Variants in FMO2 observed in about 807,000 individuals in gnomAD.
FMO2 encodes flavin containing dimethylaniline monoxygenase 2.
FMO2 carries 33 observed loss-of-function variants against 41.6 expected under a neutral mutation model. The observed-to-expected ratio is 0.79, with a 90% CI of 0.60 to 1.06. The LOEUF (loss-of-function observed/expected upper bound fraction) is 1.06, where lower values mean the gene tolerates loss of function less well. Ranked by LOEUF, FMO2 falls within the 50% of genes least tolerant of loss-of-function variation. The pLI, the probability that FMO2 is intolerant of heterozygous loss-of-function variation, is 0.00. For synonymous variants in FMO2, 214 were observed against 219.6 expected (o/e 0.97, Z 0.23); for missense variants, 619 against 632.9 (o/e 0.98, Z 0.23).
At chr1:171,203,663 G>T (rs567437983) in intron 5 of FMO2, among the ~76,000 whole-genome samples, 1 of 152,274 alleles carries the variant, frequency 6.6e-6, no homozygotes, top group South Asian at 2.1e-4. Flanking sequence ...AAGTTCTCAA[G>T]ATTTTGTTGC....
rs1658655426 is a variant in FMO2 at position 171,204,091 on chromosome 1, T to C, written c.827+27T>C. Reference sequence around the variant, plus strand: ...TAGAGTTATTTTGCTTTTTTAATGGTATACTCGTTGGTGAGCAAAGTTGTC... The same window carrying C: ...TAGAGTTATTTTGCTTTTTTAATGGCATACTCGTTGGTGAGCAAAGTTGTC... On this transcript the variant is annotated intron_variant, in intron 6 of 8. Transcript: ENST00000209929. 1.9e-6 allele frequency: 3 copies of C among 1,568,532 alleles called. No homozygotes were observed. In the Admixed American group the frequency reaches 5.0e-5, roughly 26 times the overall value.
Position 171,196,738 on chromosome 1 carries a change from T to A in FMO2, c.411T>A (p.Ser137Arg). The A allele has an allele frequency of 6.2e-7, 1 of 1,613,634 alleles. No individual in the cohort carries two copies. Among genetic ancestry groups the A allele is most frequent in the Non-Finnish European group, 8.5e-7 (1 of 1,179,866 alleles). Residue 137 changes from serine (S) to arginine (R), a missense_variant, in exon 4 of 9, where the codon AGT becomes AGA. By Grantham distance (110) the Ser-to-Arg change is moderately radical. Transcript: ENST00000209929. ...VVTQSNGKEQ[S>R]AVFDAVMVCS... ...CTCAGAGCAACGGCAAGGAGCAGAG[T>A]GCTGTCTTTGACGCAGTTATGGTTT...
chr1:171,203,321 T>TCACA (rs1491166759), intron 5 of FMO2, among the ~76,000 whole-genome samples: 60 of 122,656 alleles, frequency 4.9e-4, no homozygotes, highest in African/African-American at 1.8e-3. Context: ...CAAGACCCTG[T>TCACA]CTCACACACA....
At chr1:171,189,675 T>TTTTTTTTTTTG (rs1658001219) in intron 2 of FMO2, among the ~76,000 whole-genome samples, 2 of 147,766 alleles carry the variant, frequency 1.4e-5, no homozygotes, top group African/African-American at 2.5e-5. Context: ...TTTTTTTTTT[T>TTTTTTTTTTTG]TGAGATGGAG....
chr1:171,204,158 G>T (rs961967633), intron 6 of FMO2, 94 bp downstream of exon 6: 56 of 876,178 alleles, frequency 6.4e-5, no homozygotes, highest in African/African-American at 1.2e-4. Flanking sequence ...TGCTAACACG[G>T]TAGTTAAAAC....
chr1:171,201,159 GTTTC>G, intron 5 of FMO2, among the ~76,000 whole-genome samples: 1 of 152,048 alleles, frequency 6.6e-6, no homozygotes, highest in Non-Finnish European at 1.5e-5. Flanking sequence ...AAAAGACTTT[GTTTC>G]CATCTCCCTC....
At chr1:171,205,137 GCA>G in intron 6 of FMO2, 140 bp from the exon 7 acceptor site, 1 of 566,446 alleles carries the variant, frequency 1.8e-6, no homozygotes, top group Non-Finnish European at 3.1e-6. Flanking sequence ...ATAAGGATTT[GCA>G]CAGACAACCA....
In FMO2 at chr1:171,196,800, A is replaced by C. The variant is rs1303007357; in HGVS notation, c.473A>C (p.Lys158Thr). 1.9e-6 allele frequency: 3 copies of C among 1,613,088 alleles called. No homozygotes were observed. In the East Asian group the frequency reaches 6.7e-5, roughly 36 times the overall value. The change falls in exon 4 of 9, where the codon AAG (lysine) becomes ACG (threonine). Residue 158 changes from lysine (K) to threonine (T), a missense_variant. Physicochemically the swap from Lys to Thr is moderately conservative, Grantham distance 78. Coordinates refer to ENST00000209929, the MANE Select transcript of FMO2 (RefSeq NM_001460.5). Reference protein sequence around the residue: ...GHHILPHIPLKSFPGMERFKG... With the variant: ...GHHILPHIPLTSFPGMERFKG... ...CACATTCTACCTCATATCCCACTGA[A>C]GTCATTTCCAGGTGAGACCCGCTGG...
chr1:171,209,006 C>A lies in FMO2; in HGVS notation c.1469C>A (p.Thr490Asn), dbSNP rs574813273. ...GAAGGAGCCAGAAATGCCATCTTCA[C>A]CCAGAAACAAAGAATACTGAAGCCA... Reference protein sequence around the residue: ...QWEGARNAIFTQKQRILKPLK... With the variant: ...QWEGARNAIFNQKQRILKPLK... The change falls in exon 9 of 9, where the codon ACC becomes AAC. Residue 490 changes from threonine (T) to asparagine (N), a missense_variant. Physicochemically the swap from Thr to Asn is moderately conservative, Grantham distance 65. Coordinates refer to ENST00000209929, the MANE Select transcript of FMO2 (RefSeq NM_001460.5). 9.5e-5 allele frequency: 147 copies of A among 1,551,416 alleles called. No homozygotes were observed. The highest frequency in any genetic ancestry group is 1.2e-4 in the Non-Finnish European group (141 of 1,133,234).
chr1:171,209,196 G>T lies in FMO2; in HGVS notation c.*51G>T. 3.2e-6 allele frequency: 1 copy of T among 313,578 alleles called. No homozygotes were observed. Among genetic ancestry groups the T allele is most frequent in the South Asian group, 1.3e-4 (1 of 7,442 alleles). 19.4% of individuals were successfully genotyped at this position (313,578 alleles called of 1,614,324 possible). Reference sequence around the variant, plus strand: ...ATCTTGTCAGTCACTACCTCCTAAAGAAAAAAAAAAAGGCTAGAAGAAAAA... The same window carrying T: ...ATCTTGTCAGTCACTACCTCCTAAATAAAAAAAAAAAGGCTAGAAGAAAAA... On this transcript the variant is annotated 3_prime_UTR_variant, in exon 9 of 9. Coordinates refer to ENST00000209929, the MANE Select transcript of FMO2 (RefSeq NM_001460.5).
In FMO2 at chr1:171,193,469, A is replaced by C; in HGVS notation, c.267A>C (p.Glu89Asp). 1.9e-6 allele frequency: 3 copies of C among 1,612,160 alleles called. No individual in the cohort carries two copies. Among genetic ancestry groups the C allele is most frequent in the Non-Finnish European group, 2.5e-6 (3 of 1,178,732 alleles). Residue 89 changes from glutamate to aspartate, a missense_variant, in exon 3 of 9, where the codon GAA (glutamate) becomes GAC (aspartate). Physicochemically the swap from Glu to Asp is conservative, Grantham distance 45. Coordinates refer to ENST00000209929, the MANE Select transcript of FMO2 (RefSeq NM_001460.5). ...TCCTGCATAATTCTAAACTTCTGGA[A>C]TATTTCAGGATTTTTGCTAAAAAAT... is the stretch of plus-strand genomic sequence containing the variant. ...PNFLHNSKLL[E>D]YFRIFAKKFD...
intron 2 of FMO2, chr1:171,186,075 G>A (rs1036887061): frequency 2.4e-5 from 9 of 368,160 alleles, no homozygotes; most frequent in African/African-American, 1.2e-4. Flanking sequence ...CTCTTCTTTT[G>A]GATTCAGCAA....
Position 171,203,985 on chromosome 1 carries a change from A to G in FMO2, c.748A>G (p.Thr250Ala), listed in dbSNP as rs926572886. The change falls in exon 6 of 9, where the codon ACA becomes GCA. Residue 250 changes from threonine (T) to alanine (A), a missense_variant. Transcript: ENST00000209929. ...TATGCTCCGCAATGTACTGCCACGAACAGCTGTAAAATGGATGATAGAACA... is the reference window on the plus strand; with the variant it reads ...TATGCTCCGCAATGTACTGCCACGAGCAGCTGTAAAATGGATGATAGAACA... Reference protein sequence around the residue: ...RSMLRNVLPRTAVKWMIEQQM... With the variant: ...RSMLRNVLPRAAVKWMIEQQM... 1 of 1,612,738 alleles carries G rather than the reference A, an allele frequency of 6.2e-7. No homozygotes were observed. The highest frequency in any genetic ancestry group is 1.7e-5 in the Admixed American group (1 of 59,966).
chr1:171,190,129 T>C (rs1658019622), intron 2 of FMO2, among the ~76,000 whole-genome samples: 1 of 152,206 alleles, frequency 6.6e-6, no homozygotes, highest in South Asian at 2.1e-4. Context: ...AATAAATCTG[T>C]TTCTGCTTTA....
Position 171,193,552 on chromosome 1 carries a change from T to C in FMO2, c.321+29T>C, listed in dbSNP as rs1658176442. ...TTGTATTTTTGGGGAAATGGGTTTCTCTGCATTAGTTCAGCTCATATTTAG... is the reference window on the plus strand; with the variant it reads ...TTGTATTTTTGGGGAAATGGGTTTCCCTGCATTAGTTCAGCTCATATTTAG... On this transcript the variant is annotated intron_variant, in intron 3 of 8. Transcript: ENST00000209929. 6 of 1,393,336 alleles carry C rather than the reference T, an allele frequency of 4.3e-6. No individual in the cohort carries two copies. The African/African-American group carries it at 8.6e-5, about 20-fold the overall frequency. 86.3% of individuals were successfully genotyped at this position (1,393,336 alleles called of 1,614,324 possible).
chr1:171,196,866 T>G, intron 4 of FMO2, 55 bp downstream of exon 4: 1 of 1,536,430 alleles, frequency 6.5e-7, no homozygotes, highest in Admixed American at 1.7e-5. Context: ...GTACTTTATA[T>G]GTAGTTTGGA....
At chr1:171,198,549 G>A (rs748690681) in intron 4 of FMO2, among the ~76,000 whole-genome samples, 1 of 151,718 alleles carries the variant, frequency 6.6e-6, no homozygotes, top group Admixed American at 6.6e-5. Flanking sequence ...CAAGTAGCTG[G>A]GATTACAAGT....
rs896296276 is a variant in FMO2, at chr1:171,205,264, T to G, written c.828-15T>G. The G allele has an allele frequency of 1.3e-6, 2 of 1,495,218 alleles. No individual in the cohort carries two copies. Among genetic ancestry groups the G allele is most frequent in the Non-Finnish European group, 1.8e-6 (2 of 1,085,108 alleles). The allele number at this position is 1,495,218 out of a possible 1,614,324, so 92.6% of individuals were successfully genotyped here. On this transcript the variant is annotated splice_polypyrimidine_tract_variant and intron_variant, in intron 6 of 8. Coordinates refer to ENST00000209929, the MANE Select transcript of FMO2 (RefSeq NM_001460.5). The stretch of plus-strand genomic sequence containing the variant: ...CAAATGATCCTTCAGAATGTTTTTC[T>G]TCTGTATGTCTCAGATACATTATGA...
At chr1:171,196,287 T>C (rs147615860) in intron 3 of FMO2, among the ~76,000 whole-genome samples, 286 of 152,376 alleles carry the variant, frequency 1.9e-3, no homozygotes, top group African/African-American at 6.6e-3. Flanking sequence ...ATTGGACAGT[T>C]ACTGAGCAGA....
Sources: gnomAD v4.1 joint callset for allele counts (sites outside exome capture counted in the v4.1 genomes callset) on GRCh38, gnomAD v4.1.1 for gene constraint, MANE v1.5 for transcripts, NCBI Gene and HGNC (gene_info 2026-07-23, HGNC 2026-07-21) for gene names.